Variants in SPTBN1 observed in about 807,000 individuals in gnomAD.
SPTBN1 encodes spectrin beta chain, non-erythrocytic 1.
A neutral mutation model predicts 266.4 loss-of-function variants in SPTBN1; 32 were observed. The ratio of observed to expected loss-of-function variants is 0.12; its 90% CI spans 0.09 to 0.16. The LOEUF is 0.16. SPTBN1 is among the 10% of genes least tolerant of loss of function. The pLI, the probability that SPTBN1 is intolerant of heterozygous loss-of-function variation, is 1.00. For synonymous variants in SPTBN1, 1,336 were observed against 1,162.2 expected (o/e 1.15, Z -3.04); for missense variants, 2,296 against 3,067.1 (o/e 0.75, Z 5.94).
chr2:54,526,855 A>T (rs918121878), intron 2 of SPTBN1: 2 of 264,000 alleles, frequency 7.6e-6, no homozygotes, highest in African/African-American at 4.4e-5. Context: ...CAAATCTTAC[A>T]TTCCAAAATA....
intron 18 of SPTBN1, among the ~76,000 whole-genome samples, chr2:54,638,677 G>A (rs1387472255): frequency 3.3e-5 from 5 of 152,146 alleles, no homozygotes; most frequent in South Asian, 2.1e-4. Flanking sequence ...TCTGTCTGCC[G>A]GAGAATAACA....
chr2:54,481,391 AGTGTGTGTGTGTGTGTGTGTGTGT>A (rs72077761), intron 1 of SPTBN1, among the ~76,000 whole-genome samples: 21 of 117,408 alleles, frequency 1.8e-4, no homozygotes, highest in South Asian at 5.7e-4. Context: ...CAGAAACCTG[AGTGTGTGTGTGTGTGTGTGTGTGT>A]GTGTGTGTGT....
chr2:54,488,977 A>T (rs1668549006), intron 1 of SPTBN1, among the ~76,000 whole-genome samples: 1 of 152,068 alleles, frequency 6.6e-6, no homozygotes, highest in Admixed American at 6.6e-5. Flanking sequence ...ATAACTTTTA[A>T]TGCTGGGATT....
intron 5 of SPTBN1, among the ~76,000 whole-genome samples, 179 bp downstream of exon 5, chr2:54,616,477 T>G (rs535756577): frequency 2.0e-5 from 3 of 152,364 alleles, no homozygotes; most frequent in Non-Finnish European, 4.4e-5. Context: ...GAGCTCTAAT[T>G]TATATTTTAG....
Position 54,631,088 on chromosome 2 carries a change from A to G in SPTBN1, c.3041A>G (p.Asp1014Gly). The G allele has an allele frequency of 6.2e-7, 1 of 1,614,112 alleles. No individual in the cohort carries two copies. Among genetic ancestry groups the G allele is most frequent in the Non-Finnish European group, 8.5e-7 (1 of 1,180,000 alleles). The change falls in exon 16 of 36, where the codon GAC becomes GGC. Residue 1014 changes from aspartate to glycine, a missense_variant. Asp to Gly is a moderately conservative substitution (Grantham distance 94). Transcript: ENST00000356805. ...GTGGCCATTGAGGCAAAGCTGAGTG[A>G]CCTGCAGAAGGAGGCGGAGAAGCTG... ...DLVAIEAKLSDLQKEAEKLES... is the reference protein window; with the variant it reads ...DLVAIEAKLSGLQKEAEKLES...
intron 32 of SPTBN1, chr2:54,662,841 CTG>C (rs1202244202): frequency 2.0e-5 from 3 of 152,198 alleles, no homozygotes; most frequent in Non-Finnish European, 4.4e-5. Flanking sequence ...TGTCTGCAGT[CTG>C]TCACTTGCAA....
In SPTBN1 at chr2:54,631,512, C is replaced by T; in HGVS notation, c.3465C>T (p.His1155=). The change falls in exon 16 of 36, where the codon CAC becomes CAT. Residue 1155 remains histidine (H), a synonymous_variant. Transcript: ENST00000356805. ...TGGACACTGGATGGAACGAGCTCCA[C>T]AAGATGTGGGAGAACAGACAAAATC... is the stretch of plus-strand genomic sequence containing the variant. ...QALDTGWNEL[H]KMWENRQNLL... is the part of the protein sequence containing the mutation. 1 of 1,614,202 alleles carries T rather than the reference C, an allele frequency of 6.2e-7. No homozygotes were observed. The highest frequency in any genetic ancestry group is 8.5e-7 in the Non-Finnish European group (1 of 1,180,038).
rs554898539 is a variant in SPTBN1 at position 54,643,104 on chromosome 2, A to G, written c.3980A>G (p.Lys1327Arg). ...TTTATGGCAGAACTTGCATCCAACA[A>G]AGAATGGCTTGACAAAATCGAGAAG... The part of the protein sequence containing the change: ...QAFMAELASN[K>R]EWLDKIEKEG... The change falls in exon 19 of 36, where the codon AAA becomes AGA. Residue 1327 changes from lysine (K) to arginine (R), a missense_variant. Physicochemically the swap from Lys to Arg is conservative, Grantham distance 26. Around this residue, in one of 12 missense-constraint regions of SPTBN1, gnomAD observed 386 missense variants for 486.1 expected, o/e 0.79. Transcript: ENST00000356805. 1 of 1,614,200 alleles carries G rather than the reference A, an allele frequency of 6.2e-7. No homozygotes were observed. The highest frequency in any genetic ancestry group is 1.3e-5 in the African/African-American group (1 of 75,066).
intron 2 of SPTBN1, 180 bp downstream of exon 2, chr2:54,526,746 T>C (rs1670841366): frequency 2.9e-6 from 2 of 700,448 alleles, no homozygotes; most frequent in East Asian, 6.3e-5. Context: ...TTTGGAGAGC[T>C]GTCAACTCTA....
intron 15 of SPTBN1, 57 bp from the exon 16 acceptor site, chr2:54,630,798 T>C: frequency 6.6e-7 from 1 of 1,509,266 alleles, no homozygotes; most frequent in East Asian, 2.3e-5. Flanking sequence ...CCTTTTGCAA[T>C]CCAGCCATGG....
chr2:54,471,909 AATT>A (rs551459065), intron 1 of SPTBN1, among the ~76,000 whole-genome samples: 98 of 140,960 alleles, frequency 7.0e-4, no homozygotes, highest in African/African-American at 2.6e-3. Context: ...TTACTGGACT[AATT>A]ATTAGCACAT....
chr2:54,458,702 C>T (rs1693200143), intron 1 of SPTBN1, among the ~76,000 whole-genome samples: 1 of 152,068 alleles, frequency 6.6e-6, no homozygotes, highest in Admixed American at 6.5e-5. Context: ...TTCTAAATGC[C>T]ATCTCTATAA....
At chr2:54,504,679 A>G (rs1669459163) in intron 1 of SPTBN1, among the ~76,000 whole-genome samples, 3 of 152,302 alleles carry the variant, frequency 2.0e-5, no homozygotes, top group African/African-American at 7.2e-5. Flanking sequence ...CTGAGCGTCC[A>G]TGGATTTTGG....
At chr2:54,590,338 T>G (rs1417673209) in intron 2 of SPTBN1, among the ~76,000 whole-genome samples, 1 of 152,236 alleles carries the variant, frequency 6.6e-6, no homozygotes, top group Non-Finnish European at 1.5e-5. Flanking sequence ...TCCTCAACAA[T>G]TTCAGTGAGA....
Position 54,465,637 on chromosome 2 carries a change from C to CATATATATAT in SPTBN1, c.-48+9119_-48+9120insATATATATAT, listed in dbSNP as rs1433073794. Among the ~76,000 whole-genome samples, 327 of 89,734 alleles carry CATATATATAT rather than the reference C, an allele frequency of 3.6e-3. 9 individuals are homozygous for CATATATATAT. Among genetic ancestry groups the CATATATATAT allele is most frequent in the East Asian group, 7.9e-3 (23 of 2,904 alleles). The allele number at this position is 89,734 out of a possible 152,430, so 58.9% of individuals were successfully genotyped here. On this transcript the variant is annotated intron_variant, in intron 1 of 35. Coordinates refer to ENST00000356805, the MANE Select transcript of SPTBN1 (RefSeq NM_003128.3). ...TATGATGCATACATATCATGTTTATCTCATATATATATATATATATATATA... is the reference window on the plus strand; with the variant it reads ...TATGATGCATACATATCATGTTTATCATATATATATTCATATATATATATATATATATATA...
chr2:54,600,659 T>C (rs1340401525), intron 3 of SPTBN1, among the ~76,000 whole-genome samples: 1 of 152,130 alleles, frequency 6.6e-6, no homozygotes, highest in East Asian at 1.9e-4. Flanking sequence ...TTCCTTTGTC[T>C]ACCTCTCAAC....
At chr2:54,530,353 CTTTTTTTTT>C (rs549491367) in intron 2 of SPTBN1, among the ~76,000 whole-genome samples, 7 of 73,884 alleles carry the variant, frequency 9.5e-5, no homozygotes, top group Admixed American at 2.2e-4. Context: ...TTGTAAAAAA[CTTTTTTTTT>C]TTTTTTTTTT....
chr2:54,497,933 A>G (rs1306933213), intron 1 of SPTBN1, among the ~76,000 whole-genome samples: 1 of 152,118 alleles, frequency 6.6e-6, no homozygotes, highest in African/African-American at 2.4e-5. Flanking sequence ...CTCTACAAAC[A>G]TCCTGCCAGG....
Position 54,526,519 on chromosome 2 carries a change from A to G in SPTBN1, c.101A>G (p.Asn34Ser). Residue 34 changes from asparagine (N) to serine (S), a missense_variant, in exon 2 of 36, where the codon AAC (asparagine) becomes AGC (serine). Transcript: ENST00000356805. The part of the protein sequence containing the change: ...RWDVDDWDNE[N>S]SSARLFERSR... ...GATGTCGACGACTGGGACAATGAGAACAGCTCTGCGCGGCTTTTTGAGCGG... is the reference window on the plus strand; with the variant it reads ...GATGTCGACGACTGGGACAATGAGAGCAGCTCTGCGCGGCTTTTTGAGCGG... 1 of 1,614,200 alleles carries G rather than the reference A, an allele frequency of 6.2e-7. No homozygotes were observed. Among genetic ancestry groups the G allele is most frequent in the East Asian group, 2.2e-5 (1 of 44,886 alleles).
Sources: gnomAD v4.1 joint callset for allele counts (sites outside exome capture counted in the v4.1 genomes callset) on GRCh38, gnomAD v4.1.1 for gene constraint, gnomAD v4.1.1 regional missense constraint, MANE v1.5 for transcripts, NCBI Gene and HGNC (gene_info 2026-07-23, HGNC 2026-07-21) for gene names.